Variants in DDX60 observed in about 807,000 individuals in gnomAD.
DDX60 encodes probable ATP-dependent RNA helicase DDX60.
DDX60 carries 165 observed loss-of-function variants against 212.8 expected under a neutral mutation model. The observed-to-expected ratio is 0.78, with a 90% CI of 0.68 to 0.88. The LOEUF (loss-of-function observed/expected upper bound fraction) is 0.88. DDX60 is among the 40% of genes least tolerant of loss of function. DDX60 has a pLI of 0.00. For missense variants in DDX60, 1,905 were observed against 2,003.9 expected, an observed-to-expected ratio of 0.95 and a Z score of 0.94; for synonymous variants, 703 against 685.3, an observed-to-expected ratio of 1.03 and a Z score of -0.40.
chr4:168,279,341 T>C (rs750121604), intron 14 of DDX60, among the ~76,000 whole-genome samples: 1 of 152,218 alleles, frequency 6.6e-6, no homozygotes, highest in African/African-American at 2.4e-5. Context: ...AATGAAAACA[T>C]TGAGATTGTA....
rs554354998 is a variant in DDX60 at position 168,293,753 on chromosome 4, A to G, written c.882+34T>C. 723 of 1,528,036 alleles carry G rather than the reference A, an allele frequency of 4.7e-4. 6 individuals carry two copies. The highest frequency in any genetic ancestry group is 1.8e-4 in the Middle Eastern group (1 of 5,714). The allele number at this position is 1,528,036 out of a possible 1,614,324, so 94.7% of individuals were successfully genotyped here. ...AACAAAATTTCAAATGTGGAGAGAA[A>G]TAGTATTTCTCAGTAAAGTTATAAA... On this transcript the variant is annotated intron_variant, in intron 7 of 37. Coordinates refer to ENST00000393743, the MANE Select transcript of DDX60 (RefSeq NM_017631.6).
At chr4:168,252,680 A>G (rs1560828930) in intron 26 of DDX60, 24 bp from the exon 27 acceptor site, 20 of 1,546,242 alleles carry the variant, frequency 1.3e-5, no homozygotes, top group Non-Finnish European at 1.6e-5. Context: ...TAAAATTTTA[A>G]TTAATGAAAT....
chr4:168,274,158 C>A, intron 16 of DDX60, 75 bp from the exon 17 acceptor site: 3 of 1,557,214 alleles, frequency 1.9e-6, no homozygotes, highest in Non-Finnish European at 2.6e-6. Context: ...TATTTATAGA[C>A]TTCCAATACG....
intron 35 of DDX60, among the ~76,000 whole-genome samples, chr4:168,223,745 C>T (rs1733147515): frequency 6.6e-6 from 1 of 151,972 alleles, no homozygotes; most frequent in Non-Finnish European, 1.5e-5. Flanking sequence ...CAATGTCAAT[C>T]CATAATATCA....
intron 10 of DDX60, 117 bp from the exon 11 acceptor site, chr4:168,285,615 C>T (rs1735792017): frequency 3.1e-6 from 2 of 655,296 alleles, no homozygotes; most frequent in Admixed American, 3.1e-5. Context: ...ATCTTATTTA[C>T]ATATATCAAG....
At chr4:168,305,368 C>T (rs752450703) in intron 5 of DDX60, among the ~76,000 whole-genome samples, 2 of 152,074 alleles carry the variant, frequency 1.3e-5, no homozygotes, top group Non-Finnish European at 2.9e-5. Flanking sequence ...AGGAGTATGA[C>T]ATAATTCTCA....
chr4:168,259,477 AC>A (rs1734539316), intron 25 of DDX60, among the ~76,000 whole-genome samples: 1 of 152,140 alleles, frequency 6.6e-6, no homozygotes, highest in African/African-American at 2.4e-5. Flanking sequence ...ACACAATCTT[AC>A]ATTCACCCAT....
In DDX60 at chr4:168,267,839, AC is replaced by A. The variant is rs779919679; in HGVS notation, c.2929+1del. On this transcript the variant is annotated splice_donor_variant, in intron 21 of 37. Coordinates refer to ENST00000393743, the MANE Select transcript of DDX60 (RefSeq NM_017631.6). LOFTEE classifies it high-confidence loss of function. ...AGCTTTATATAAATATATCAAACAT[AC>A]CAAGTCTAACTTTATACGATTGTTT... The A allele has an allele frequency of 6.2e-7, 1 of 1,605,524 alleles. No homozygotes were observed. The highest frequency in any genetic ancestry group is 8.5e-7 in the Non-Finnish European group (1 of 1,176,660).
chr4:168,291,701 A>T lies in DDX60; in HGVS notation c.1041+47T>A, dbSNP rs773915324. 8 of 1,465,894 alleles carry T rather than the reference A, an allele frequency of 5.5e-6. No individual in the cohort carries two copies. In the East Asian group the frequency reaches 2.0e-4, roughly 36 times the overall value. 90.8% of individuals were successfully genotyped at this position (1,465,894 alleles called of 1,614,324 possible). ...TTTGAAAGTTATTGTAGTTTCTATC[A>T]AACATTCAAAACACAAAAATAGTAA... is the stretch of plus-strand genomic sequence containing the variant. On this transcript the variant is annotated intron_variant, in intron 8 of 37. Transcript: ENST00000393743.
chr4:168,280,462 G>A lies in DDX60; in HGVS notation c.1851C>T (p.His617=). 1.2e-6 allele frequency: 2 copies of A among 1,614,156 alleles called. No homozygotes were observed. The highest frequency in any genetic ancestry group is 2.2e-5 in the East Asian group (1 of 44,870). The change falls in exon 14 of 38, where the codon CAC becomes CAT. Residue 617 remains histidine, a synonymous_variant. Coordinates refer to ENST00000393743, the MANE Select transcript of DDX60 (RefSeq NM_017631.6). ...SIEEQLKENL[H]SGIKSLEDFL... is the part of the protein sequence containing the mutation. The stretch of plus-strand genomic sequence containing the variant: ...AATCTTCCAGGCTCTTTATTCCAGA[G>A]TGTAAATTTTCTTTCAATTGCTCTT...
At chr4:168,273,791 A>G in intron 17 of DDX60, 143 bp downstream of exon 17, 3 of 821,678 alleles carry the variant, frequency 3.7e-6, no homozygotes, top group Non-Finnish European at 5.6e-6. Context: ...ATGTATATGT[A>G]TATTATTTTA....
chr4:168,283,651 A>C, intron 12 of DDX60, 45 bp from the exon 13 acceptor site: 1 of 1,422,640 alleles, frequency 7.0e-7, no homozygotes, highest in South Asian at 1.3e-5. Flanking sequence ...GTAGTTTTTC[A>C]ATAGCATTCT....
rs373180488 is a variant in DDX60 at position 168,244,939 on chromosome 4, C to G, written c.4164+1479G>C. Among the ~76,000 whole-genome samples the G allele has an allele frequency of 1.3e-4, 20 of 151,952 alleles. 1 individual carries two copies. The highest frequency in any genetic ancestry group is 4.8e-4 in the African/African-American group (20 of 41,474). On this transcript the variant is annotated intron_variant, in intron 30 of 37. Coordinates refer to ENST00000393743, the MANE Select transcript of DDX60 (RefSeq NM_017631.6). ...TTCAATTTAAAAATTATAACTTTTC[C>G]TGAAAAAACAACAGAACAATTAACA...
At chr4:168,295,479 T>C (rs982967621) in intron 6 of DDX60, among the ~76,000 whole-genome samples, 1 of 152,202 alleles carries the variant, frequency 6.6e-6, no homozygotes, top group African/African-American at 2.4e-5. Context: ...TGCAGAGTTG[T>C]ACCCAATCCA....
intron 1 of DDX60, among the ~76,000 whole-genome samples, chr4:168,317,590 GGTT>G (rs1737451957): frequency 1.3e-5 from 2 of 152,100 alleles, no homozygotes; most frequent in African/African-American, 4.8e-5. Flanking sequence ...AGAGCTGGTG[GGTT>G]AAAATGGCTT....
chr4:168,250,720 T>A (rs1284564709), intron 28 of DDX60, among the ~76,000 whole-genome samples: 4 of 151,598 alleles, frequency 2.6e-5, no homozygotes, highest in Admixed American at 6.6e-5. Context: ...GAGGCAGAGT[T>A]TCACCATGTT....
In DDX60 at chr4:168,267,900, C is replaced by T. The variant is rs570432435; in HGVS notation, c.2870G>A (p.Arg957His). The change falls in exon 21 of 38, where the codon CGT becomes CAT. Residue 957 changes from arginine (R) to histidine (H), a missense_variant. Physicochemically the swap from Arg to His is conservative, Grantham distance 29 (BLOSUM62 0). Coordinates refer to ENST00000393743, the MANE Select transcript of DDX60 (RefSeq NM_017631.6). ...GTAGTCTTTGGGAAAGCCGGCCTGACGACCCACATGTCTTTTAGAAGCGGT... is the reference window on the plus strand; with the variant it reads ...GTAGTCTTTGGGAAAGCCGGCCTGATGACCCACATGTCTTTTAGAAGCGGT... ...NNTASKRHVG[R>H]QAGFPKDYLQ... 3.7e-5 allele frequency: 59 copies of T among 1,613,404 alleles called. No homozygotes were observed. The highest frequency in any genetic ancestry group is 2.4e-4 in the South Asian group (22 of 90,990).
intron 4 of DDX60, among the ~76,000 whole-genome samples, chr4:168,307,196 CTT>C (rs1736922062): frequency 6.6e-6 from 1 of 152,020 alleles, no homozygotes; most frequent in South Asian, 2.1e-4. Context: ...AAGCCTAGCT[CTT>C]TACACAAAAC....
rs771579350 is a variant in DDX60 at position 168,283,485 on chromosome 4, T to C, written c.1683A>G (p.Ser561=). The change falls in exon 13 of 38, where the codon TCA becomes TCG. Residue 561 remains serine (S), a synonymous_variant. Coordinates refer to ENST00000393743, the MANE Select transcript of DDX60 (RefSeq NM_017631.6). ...SKIIVTQTIK[S]KKDFSGPKSK... ...TCTTGGGCCCACTAAAATCCTTCTT[T>C]GACTTAATAGTTTGAGTCACGATGA... The C allele has an allele frequency of 3.1e-6, 5 of 1,613,604 alleles. No individual in the cohort carries two copies. The highest frequency in any genetic ancestry group is 1.1e-5 in the South Asian group (1 of 91,052).
Sources: gnomAD v4.1 joint callset for allele counts (sites outside exome capture counted in the v4.1 genomes callset) on GRCh38, gnomAD v4.1.1 for gene constraint, MANE v1.5 for transcripts, NCBI Gene and HGNC (gene_info 2026-07-23, HGNC 2026-07-21) for gene names.